Variants in TMEM70 observed in about 807,000 individuals in gnomAD.
TMEM70 encodes the protein transmembrane protein 70, mitochondrial.
Under a neutral mutation model 20.5 loss-of-function variants are expected in TMEM70, and 15 were observed. The ratio of observed to expected loss-of-function variants is 0.73; its 90% CI spans 0.49 to 1.13. The LOEUF (loss-of-function observed/expected upper bound fraction) is 1.13, where lower values mean the gene tolerates loss of function less well. Among genes scored for constraint, TMEM70 ranks in the 50% most tolerant of loss-of-function variants. The probability of loss-of-function intolerance (pLI) is 0.00; values close to 1 mark genes in which losing one functional copy is unlikely to be tolerated. For missense variants in TMEM70, 344 were observed against 331.7 expected, an observed-to-expected ratio of 1.04 and a Z score of -0.29; for synonymous variants, 141 against 134.2, an observed-to-expected ratio of 1.05 and a Z score of -0.35.
rs1212142521 is a variant in TMEM70 at position 73,982,001 on chromosome 8, G to C, written c.*380G>C. 1 of 466,910 alleles carries C rather than the reference G, an allele frequency of 2.1e-6. No individual in the cohort carries two copies. The highest frequency in any genetic ancestry group is 2.0e-5 in the African/African-American group (1 of 50,580). The allele number at this position is 466,910 out of a possible 1,614,324, so 28.9% of individuals were successfully genotyped here. On this transcript the variant is annotated 3_prime_UTR_variant, in exon 3 of 3. Coordinates refer to ENST00000312184, the MANE Select transcript of TMEM70 (RefSeq NM_017866.6). ...CATTAAAAGACATTTTCTCTTTGAG[G>C]AAGACACAGTCATAGGTGGTGCGGA... is the stretch of plus-strand genomic sequence containing the variant.
At chr8:73,981,023 C>T (rs1815779128) in intron 2 of TMEM70, 132 bp from the exon 3 acceptor site, 1 of 744,544 alleles carries the variant, frequency 1.3e-6, no homozygotes, top group Non-Finnish European at 2.2e-6. Context: ...ATATAATAAG[C>T]ACTGTATTTA....
intron 1 of TMEM70, among the ~76,000 whole-genome samples, chr8:73,978,128 C>G (rs1815697430): frequency 6.6e-6 from 1 of 151,968 alleles, no homozygotes; most frequent in African/African-American, 2.4e-5. Flanking sequence ...GCTCTGTTGC[C>G]CAGGTTGGAG....
Position 73,982,499 on chromosome 8 carries a change from A to G in TMEM70, c.*878A>G, listed in dbSNP as rs763811320. The G allele has an allele frequency of 3.1e-6, 2 of 652,434 alleles. No homozygotes were observed. Among genetic ancestry groups the G allele is most frequent in the Non-Finnish European group, 5.6e-6 (2 of 355,654 alleles). The allele number at this position is 652,434 out of a possible 1,614,324, so 40.4% of individuals were successfully genotyped here. A position where few individuals can be genotyped will look rare whatever the true frequency, so the allele number is the denominator to read the frequency against. On this transcript the variant is annotated 3_prime_UTR_variant, in exon 3 of 3. Coordinates refer to ENST00000312184, the MANE Select transcript of TMEM70 (RefSeq NM_017866.6). Reference sequence around the variant, plus strand: ...AGTCAACTGTTTTCATAAATTGATTACCAGTTGTTAAAAAATTTTCAAAAA... The same window carrying G: ...AGTCAACTGTTTTCATAAATTGATTGCCAGTTGTTAAAAAATTTTCAAAAA...
Position 73,981,462 on chromosome 8 carries a change from A to G in TMEM70, c.624A>G (p.Val208=), listed in dbSNP as rs1475578286. Residue 208 remains valine (V), a synonymous_variant, in exon 3 of 3, where the codon GTA becomes GTG. Coordinates refer to ENST00000312184, the MANE Select transcript of TMEM70 (RefSeq NM_017866.6). ...NDVKIPDAKH[V]FTTFYAKTKS... ...TGAAGATTCCAGATGCTAAACATGT[A>G]TTTACCACATTTTATGCTAAAACAA... 4 of 1,614,172 alleles carry G rather than the reference A, an allele frequency of 2.5e-6. No homozygotes were observed. Among genetic ancestry groups the G allele is most frequent in the Non-Finnish European group, 1.7e-6 (2 of 1,180,028 alleles).
chr8:73,979,125 C>T (rs1444944969), intron 2 of TMEM70: 1 of 552,998 alleles, frequency 1.8e-6, no homozygotes, highest in Admixed American at 2.2e-5. Flanking sequence ...TCTTCGCCTC[C>T]CATGTTCAAG....
rs1190959557 is a variant in TMEM70 at position 73,982,641 on chromosome 8, A to T, written c.*1020A>T. 4.2e-6 allele frequency: 2 copies of T among 471,260 alleles called. No homozygotes were observed. The highest frequency in any genetic ancestry group is 3.1e-5 in the South Asian group (2 of 64,666). The allele number at this position is 471,260 out of a possible 1,614,324, so 29.2% of individuals were successfully genotyped here. On this transcript the variant is annotated 3_prime_UTR_variant, in exon 3 of 3. Transcript: ENST00000312184. ...ATTGCCCATAAGAACATACATGTACAGTTGAACTGGTGGTTAGCTATACGG... is the reference window on the plus strand; with the variant it reads ...ATTGCCCATAAGAACATACATGTACTGTTGAACTGGTGGTTAGCTATACGG...
At position 73,978,873 on chromosome 8, in the gene TMEM70, G is replaced by A. The variant is rs756964853; in HGVS notation, c.316+12G>A. 2 of 1,613,952 alleles carry A rather than the reference G, an allele frequency of 1.2e-6. No homozygotes were observed. Among genetic ancestry groups the A allele is most frequent in the Non-Finnish European group, 1.7e-6 (2 of 1,179,950 alleles). On this transcript the variant is annotated intron_variant, in intron 2 of 2. Coordinates refer to ENST00000312184, the MANE Select transcript of TMEM70 (RefSeq NM_017866.6). ...CCGAGCAGTGTTTGGTAAGTAATTG[G>A]AGGTGGGTGTACTTACTTTGTTTTT...
At position 73,978,756 on chromosome 8, in the gene TMEM70, A is replaced by G. The variant is rs1305293407; in HGVS notation, c.211A>G (p.Ile71Val). 7 of 1,613,776 alleles carry G rather than the reference A, an allele frequency of 4.3e-6. No homozygotes were observed. The highest frequency in any genetic ancestry group is 5.9e-6 in the Non-Finnish European group (7 of 1,179,860). ...ACCATAATGATCCCTGTTTCAATAG[A>G]TCCCTGTTTATTGGGAAGGATATGT... ...RLLRRPGRAQ[I>V]PVYWEGYVRF... Residue 71 changes from isoleucine (I) to valine (V), a missense_variant and splice_region_variant, in exon 2 of 3, where the codon ATC becomes GTC. Transcript: ENST00000312184.
intron 2 of TMEM70, among the ~76,000 whole-genome samples, chr8:73,980,370 T>TTC (rs1386368302): frequency 6.6e-6 from 1 of 152,120 alleles, no homozygotes; most frequent in East Asian, 1.9e-4. Flanking sequence ...TCCCATATGT[T>TTC]TCTGTTTTTT....
In TMEM70 at chr8:73,978,628, T is replaced by C; in HGVS notation, c.211-128T>C. The C allele has an allele frequency of 3.3e-6, 3 of 906,096 alleles. No homozygotes were observed. The South Asian group carries it at 4.6e-5, about 14-fold the overall frequency. 56.1% of individuals were successfully genotyped at this position (906,096 alleles called of 1,614,324 possible). On this transcript the variant is annotated intron_variant, in intron 1 of 2. Coordinates refer to ENST00000312184, the MANE Select transcript of TMEM70 (RefSeq NM_017866.6). ...TTGCTTGAACCCGGGAAGCAGAGGT[T>C]GCAATGGTGAGCTGAGATCGCACCA...
Position 73,982,432 on chromosome 8 carries a change from T to A in TMEM70, c.*811T>A. 1.3e-6 allele frequency: 1 copy of A among 798,988 alleles called. No homozygotes were observed. The highest frequency in any genetic ancestry group is 2.1e-6 in the Non-Finnish European group (1 of 472,796). 49.5% of individuals were successfully genotyped at this position (798,988 alleles called of 1,614,324 possible). A position where few individuals can be genotyped will look rare whatever the true frequency, so the allele number is the denominator to read the frequency against. On this transcript the variant is annotated 3_prime_UTR_variant, in exon 3 of 3. Coordinates refer to ENST00000312184, the MANE Select transcript of TMEM70 (RefSeq NM_017866.6). ...TTAAGCAGATTACTTCCATCAGTAT[T>A]GAGCCAGGAGTTGAGATGGAAGTCA...
intron 2 of TMEM70, among the ~76,000 whole-genome samples, chr8:73,980,777 A>C (rs187636316): frequency 6.6e-6 from 1 of 152,348 alleles, no homozygotes; most frequent in African/African-American, 2.4e-5. Flanking sequence ...TATGTTAGAT[A>C]TACTGGAGTG....
chr8:73,977,242 C>T (rs933302926), intron 1 of TMEM70, among the ~76,000 whole-genome samples: 2 of 152,036 alleles, frequency 1.3e-5, no homozygotes, highest in African/African-American at 2.4e-5. Flanking sequence ...AGTGCAGTGA[C>T]GTGATCTTGG....
intron 1 of TMEM70, among the ~76,000 whole-genome samples, chr8:73,977,853 C>T (rs1179505597): frequency 6.6e-6 from 1 of 152,052 alleles, no homozygotes; most frequent in South Asian, 2.1e-4. Context: ...GAAATGATGT[C>T]GTCATTAACA....
intron 2 of TMEM70, among the ~76,000 whole-genome samples, chr8:73,980,225 A>T (rs1362925977): frequency 1.3e-5 from 2 of 152,084 alleles, no homozygotes; most frequent in African/African-American, 4.8e-5. Flanking sequence ...AGTAGCTGGG[A>T]TTATAGGTGC....
chr8:73,978,260 C>T (rs750009091), intron 1 of TMEM70, among the ~76,000 whole-genome samples: 22 of 151,484 alleles, frequency 1.5e-4, no homozygotes, highest in Non-Finnish European at 2.4e-4. Flanking sequence ...TAATTGTTTG[C>T]ATTTTTAGTA....
At position 73,981,721 on chromosome 8, in the gene TMEM70, A is replaced by G; in HGVS notation, c.*100A>G. 1.1e-6 allele frequency: 1 copy of G among 870,920 alleles called. No homozygotes were observed. Among genetic ancestry groups the G allele is most frequent in the Non-Finnish European group, 1.8e-6 (1 of 542,202 alleles). The allele number at this position is 870,920 out of a possible 1,614,324, so 53.9% of individuals were successfully genotyped here. ...CGTTAGTGACTGATTGTTAAAAATA[A>G]TTTGAAATTATCAAAGCTTTTAATT... On this transcript the variant is annotated 3_prime_UTR_variant, in exon 3 of 3. Transcript: ENST00000312184.
chr8:73,981,597 G>T lies in TMEM70; in HGVS notation c.759G>T (p.Glu253Asp), dbSNP rs746272027. ...FILYMEETSE[E>D]KRHKDDK Reference sequence around the variant, plus strand: ...TGTATATGGAAGAAACCAGTGAAGAGAAACGGCATAAAGATGACAAATGAG... The same window carrying T: ...TGTATATGGAAGAAACCAGTGAAGATAAACGGCATAAAGATGACAAATGAG... The change falls in exon 3 of 3, where the codon GAG becomes GAT. Residue 253 changes from glutamate (E) to aspartate (D), a missense_variant. Glu to Asp is a conservative substitution (Grantham distance 45). Coordinates refer to ENST00000312184, the MANE Select transcript of TMEM70 (RefSeq NM_017866.6). 1 of 1,609,574 alleles carries T rather than the reference G, an allele frequency of 6.2e-7. No homozygotes were observed.
intron 2 of TMEM70, 34 bp from the exon 3 acceptor site, chr8:73,981,121 A>G (rs1815781373): frequency 2.6e-6 from 4 of 1,545,548 alleles, no homozygotes; most frequent in Non-Finnish European, 3.6e-6. Flanking sequence ...TAAAATTTAA[A>G]AGTATTGATC....
Sources: allele counts gnomAD v4.1 joint callset (sites outside exome capture counted in the v4.1 genomes callset), GRCh38; gene constraint gnomAD v4.1.1; transcripts MANE v1.5; gene names NCBI Gene and HGNC (gene_info 2026-07-23, HGNC 2026-07-21).